PRKG1: variants seen among roughly 807,000 people sequenced by gnomAD.
The protein encoded by PRKG1 is cGMP-dependent protein kinase 1.
Under a neutral mutation model 88.1 loss-of-function variants are expected in PRKG1, and 35 were observed. The ratio of observed to expected loss-of-function variants is 0.40; its 90% CI spans 0.30 to 0.53. PRKG1 has a LOEUF of 0.53. PRKG1 is among the 20% of genes least tolerant of loss of function. PRKG1 has a pLI of 0.59. For missense variants in PRKG1, 540 were observed against 839.8 expected (o/e 0.64, Z 4.41); for synonymous variants, 303 against 292.5 (o/e 1.04, Z -0.37).
chr10:51,690,650 G>A lies in PRKG1; in HGVS notation c.593-113935G>A, dbSNP rs192404626. 7.5e-3 allele frequency among the ~76,000 whole-genome samples: 1,134 copies of A among 152,050 alleles called. 14 individuals carry two copies. The highest frequency in any genetic ancestry group is 0.017 in the African/African-American group (712 of 41,476). ...TAAAGAAATTAAAGAATTTTGGGCCGGGCGCTGTGGCTCACACCTGTAATC... is the reference window on the plus strand; with the variant it reads ...TAAAGAAATTAAAGAATTTTGGGCCAGGCGCTGTGGCTCACACCTGTAATC... On this transcript the variant is annotated intron_variant, in intron 3 of 17. Coordinates refer to ENST00000373980, the MANE Select transcript of PRKG1 (RefSeq NM_006258.4).
intron 2 of PRKG1, among the ~76,000 whole-genome samples, chr10:51,302,024 A>C (rs1278255520): frequency 6.6e-6 from 1 of 152,180 alleles, no homozygotes; most frequent in Admixed American, 6.5e-5. Flanking sequence ...CTCTCAAGCT[A>C]CTTCACTCAG....
intron 3 of PRKG1, among the ~76,000 whole-genome samples, chr10:51,621,907 T>A (rs4118256): frequency 1.3e-5 from 2 of 151,942 alleles, no homozygotes; most frequent in Non-Finnish European, 2.9e-5. Flanking sequence ...TAGGTTAAAC[T>A]TGGACTCTTG....
intron 2 of PRKG1, among the ~76,000 whole-genome samples, chr10:51,286,816 T>C (rs191473200): frequency 1.4e-4 from 22 of 152,288 alleles, no homozygotes; most frequent in Admixed American, 9.8e-4. Flanking sequence ...GCTAAGAATG[T>C]GGTTCAGTTC....
chr10:51,215,864 G>T (rs1838359535), intron 2 of PRKG1, among the ~76,000 whole-genome samples: 1 of 152,172 alleles, frequency 6.6e-6, no homozygotes, highest in African/African-American at 2.4e-5. Flanking sequence ...AAAACCTAAA[G>T]CAGAGTAAGA....
intron 7 of PRKG1, among the ~76,000 whole-genome samples, chr10:52,106,088 G>A (rs1028747192): frequency 2.6e-5 from 4 of 151,938 alleles, no homozygotes; most frequent in Non-Finnish European, 4.4e-5. Flanking sequence ...TTCCATTCCC[G>A]AGTTACTTCA....
chr10:51,762,057 T>A (rs573940923), intron 3 of PRKG1, among the ~76,000 whole-genome samples: 1 of 152,290 alleles, frequency 6.6e-6, no homozygotes, highest in East Asian at 1.9e-4. Context: ...GATTTTTACA[T>A]GGTAAATAAG....
chr10:52,126,957 A>G (rs1249985880), intron 7 of PRKG1, among the ~76,000 whole-genome samples: 1 of 152,222 alleles, frequency 6.6e-6, no homozygotes, highest in Admixed American at 6.5e-5. Flanking sequence ...TTGTGCAAAG[A>G]GTTGACATGA....
intron 5 of PRKG1, among the ~76,000 whole-genome samples, chr10:51,983,524 A>T (rs1482478571): frequency 6.6e-6 from 1 of 152,088 alleles, no homozygotes. Context: ...GGGTGCTTAG[A>T]CTGGACCAGC....
intron 2 of PRKG1, among the ~76,000 whole-genome samples, chr10:51,323,949 C>T (rs57869556): frequency 0.15 from 22,617 of 152,056 alleles, 1,727 homozygotes; most frequent in Admixed American, 0.17. Flanking sequence ...AAGTCCCTGT[C>T]TCTAAAAATA....
At chr10:51,546,310 C>A (rs539853221) in intron 3 of PRKG1, among the ~76,000 whole-genome samples, 1 of 151,746 alleles carries the variant, frequency 6.6e-6, no homozygotes, top group African/African-American at 2.4e-5. Context: ...ACTAAGTAGT[C>A]GTCATAGAGG....
chr10:52,231,108 T>A (rs537849419), intron 9 of PRKG1: 1 of 152,312 alleles, frequency 6.6e-6, no homozygotes, highest in Admixed American at 6.5e-5. Context: ...AAGGCGTATT[T>A]ATATTTTGGC....
intron 5 of PRKG1, among the ~76,000 whole-genome samples, chr10:52,036,603 C>A (rs1192312731): frequency 2.0e-5 from 3 of 151,740 alleles, no homozygotes; most frequent in Non-Finnish European, 2.9e-5. Context: ...GTATCTTATA[C>A]TTGTGGGTTA....
At chr10:51,627,410 T>A (rs1839365537) in intron 3 of PRKG1, among the ~76,000 whole-genome samples, 1 of 152,116 alleles carries the variant, frequency 6.6e-6, no homozygotes, top group Non-Finnish European at 1.5e-5. Context: ...ATGCTTCAGG[T>A]TTCTTTAGTG....
At chr10:51,692,676 G>A (rs554043029) in intron 3 of PRKG1, among the ~76,000 whole-genome samples, 4 of 152,022 alleles carry the variant, frequency 2.6e-5, no homozygotes, top group Non-Finnish European at 5.9e-5. Context: ...GGATCTCCCT[G>A]TGTTGCCCAG....
intron 9 of PRKG1, among the ~76,000 whole-genome samples, chr10:52,251,142 G>A (rs1471829553): frequency 2.0e-5 from 3 of 152,018 alleles, no homozygotes; most frequent in South Asian, 2.1e-4. Flanking sequence ...CCAGCCTGTG[G>A]ATAAGGGAAA....
chr10:51,869,643 A>G (rs1256402767), intron 4 of PRKG1, among the ~76,000 whole-genome samples: 2 of 152,194 alleles, frequency 1.3e-5, no homozygotes, highest in African/African-American at 4.8e-5. Context: ...AGAAATTTCT[A>G]TATGAAACAA....
At chr10:52,050,277 G>A (rs1480045560) in intron 5 of PRKG1, among the ~76,000 whole-genome samples, 1 of 152,096 alleles carries the variant, frequency 6.6e-6, no homozygotes. Context: ...CTATGGCATT[G>A]AGCAGACATG....
chr10:51,239,948 A>G (rs1437666966), intron 2 of PRKG1, among the ~76,000 whole-genome samples: 1 of 152,216 alleles, frequency 6.6e-6, no homozygotes, highest in Non-Finnish European at 1.5e-5. Flanking sequence ...GGCATATAGC[A>G]ACTTCCAATA....
rs553596280 is a variant in PRKG1, at chr10:51,655,406, T to C, written c.593-149179T>C. Among the ~76,000 whole-genome samples, 106 of 152,276 alleles carry C rather than the reference T, an allele frequency of 7.0e-4. 2 individuals are homozygous for C. The South Asian group carries it at 0.021, about 30-fold the overall frequency. Reference sequence around the variant, plus strand: ...TTGTAAACATTGAATGGTAGGATACTTTTCAGGTTAAATTATGTACAGTGT... The same window carrying C: ...TTGTAAACATTGAATGGTAGGATACCTTTCAGGTTAAATTATGTACAGTGT... On this transcript the variant is annotated intron_variant, in intron 3 of 17. Coordinates refer to ENST00000373980, the MANE Select transcript of PRKG1 (RefSeq NM_006258.4).
Sources: allele counts gnomAD v4.1 joint callset (sites outside exome capture counted in the v4.1 genomes callset), GRCh38; gene constraint gnomAD v4.1.1; transcripts MANE v1.5; gene names NCBI Gene and HGNC (gene_info 2026-07-23, HGNC 2026-07-21).